TF: variants seen among roughly 807,000 people sequenced by gnomAD.
TF encodes the protein serotransferrin.
A neutral mutation model predicts 82.4 loss-of-function variants in TF; 55 were observed. The observed-to-expected ratio is 0.67, with a 90% CI of 0.54 to 0.84. TF has a LOEUF of 0.84. TF is among the 40% of genes least tolerant of loss of function. The probability of loss-of-function intolerance (pLI) is 0.00; values close to 1 mark genes in which losing one functional copy is unlikely to be tolerated. For missense variants in TF, 737 were observed against 868.4 expected (o/e 0.85, Z 1.90); for synonymous variants, 332 against 332.6 (o/e 1.00, Z 0.02).
the TF span, among the ~76,000 whole-genome samples, chr3:133,672,273 C>T: frequency 6.6e-6 from 1 of 152,076 alleles, no homozygotes; most frequent in Non-Finnish European, 1.5e-5. Context: ...ACTGGTGAGG[C>T]CTTCCGAACA....
the TF span, among the ~76,000 whole-genome samples, chr3:133,689,165 AT>A: frequency 6.1e-4 from 92 of 152,054 alleles, 2 homozygotes; most frequent in East Asian, 0.018. Flanking sequence ...ATCTCTAGCC[AT>A]TTAGAAAAAT....
At chr3:133,762,474 C>T (rs2107922333) in intron 9 of TF, 3 of 152,194 alleles carry the variant, frequency 2.0e-5, no homozygotes, top group Middle Eastern at 6.8e-3. Context: ...ATTAACATAA[C>T]TTTTATTATA....
chr3:133,777,595 A>T lies in TF; in HGVS notation c.2062+357A>T, dbSNP rs8177337. On this transcript the variant is annotated intron_variant, in intron 16 of 16. Transcript: ENST00000402696. ...GCCACCAGCAAGATGTGACTATTTA[A>T]ATTTAAGTTAATTAAAATTAAACTA... The T allele has an allele frequency of 3.5e-3, 681 of 193,740 alleles. 1 individual carries two copies. The highest frequency in any genetic ancestry group is 0.011 in the Middle Eastern group (5 of 460). The allele number at this position is 193,740 out of a possible 1,614,324, so 12.0% of individuals were successfully genotyped here. A position where few individuals can be genotyped will look rare whatever the true frequency, so the allele number is the denominator to read the frequency against.
the TF span, among the ~76,000 whole-genome samples, chr3:133,725,291 T>A: frequency 1.2e-4 from 19 of 152,254 alleles, no homozygotes; most frequent in African/African-American, 3.4e-4. Context: ...ACCATGAGCA[T>A]GGAAGGTTCT....
the TF span, among the ~76,000 whole-genome samples, chr3:133,726,594 C>G: frequency 9.2e-5 from 14 of 151,472 alleles, no homozygotes; most frequent in Non-Finnish European, 1.9e-4. Flanking sequence ...TTTGTTGATC[C>G]TTTCAAAAAA....
chr3:133,740,503 G>A, the TF span, among the ~76,000 whole-genome samples: 19 of 152,170 alleles, frequency 1.2e-4, no homozygotes, highest in East Asian at 2.1e-3. Flanking sequence ...GCTAATTTTT[G>A]TATTTTTAGT....
intron 16 of TF, 144 bp from the exon 17 acceptor site, chr3:133,778,442 C>A (rs1231163258): frequency 2.6e-6 from 2 of 778,960 alleles, no homozygotes; most frequent in Admixed American, 2.1e-5. Flanking sequence ...TAGAAAAGAG[C>A]ACTGGGAGAA....
chr3:133,695,357 C>T, the TF span, among the ~76,000 whole-genome samples: 4 of 150,586 alleles, frequency 2.7e-5, no homozygotes, highest in Non-Finnish European at 5.9e-5. Context: ...AAGCGATTCT[C>T]CTGCCTTAGC....
the TF span, among the ~76,000 whole-genome samples, chr3:133,678,672 T>C: frequency 6.6e-6 from 1 of 152,254 alleles, no homozygotes; most frequent in Admixed American, 6.5e-5. Context: ...TTAAGAAGTG[T>C]CTGTTCATAT....
In TF at chr3:133,782,796, A is replaced by G. The variant is rs1236470242; in HGVS notation, c.*4176A>G. The G allele has an allele frequency of 3.4e-4, 51 of 149,658 alleles. 1 individual carries two copies. Among genetic ancestry groups the G allele is most frequent in the African/African-American group, 1.2e-3 (49 of 40,864 alleles). 9.3% of individuals were successfully genotyped at this position (149,658 alleles called of 1,614,324 possible). A position where few individuals can be genotyped will look rare whatever the true frequency, so the allele number is the denominator to read the frequency against. On this transcript the variant is annotated 3_prime_UTR_variant, in exon 17 of 17. Transcript: ENST00000402696. Reference sequence around the variant, plus strand: ...CATGACAAAACCCCATCTCTGCAAAAAAAAAAAAAAAAACAAAAAAAACCC... The same window carrying G: ...CATGACAAAACCCCATCTCTGCAAAGAAAAAAAAAAAAACAAAAAAAACCC...
At chr3:133,741,060 C>G (rs1190112371), upstream of TF, among the ~76,000 whole-genome samples, 1 of 143,410 alleles carries the variant, frequency 7.0e-6, no homozygotes, top group Non-Finnish European at 1.5e-5. Flanking sequence ...GGCACAATCT[C>G]AGGTCACTGC....
chr3:133,697,143 C>T, the TF span, among the ~76,000 whole-genome samples: 1 of 152,198 alleles, frequency 6.6e-6, no homozygotes, highest in Non-Finnish European at 1.5e-5. Context: ...CTCATTATTA[C>T]ACATTGACTA....
At chr3:133,764,315 A>C (rs1438879548) in intron 10 of TF, 40 bp downstream of exon 10, 1 of 1,500,806 alleles carries the variant, frequency 6.7e-7, no homozygotes, top group East Asian at 2.3e-5. Context: ...TTCTTCCCTC[A>C]GGGCCATGGA....
intron 14 of TF, among the ~76,000 whole-genome samples, chr3:133,772,016 C>T (rs766989455): frequency 2.0e-5 from 3 of 152,088 alleles, no homozygotes; most frequent in Non-Finnish European, 4.4e-5. Context: ...AGCACCAGCC[C>T]CTCCAGGAAG....
the TF span, among the ~76,000 whole-genome samples, chr3:133,738,909 A>G: frequency 6.6e-6 from 1 of 152,358 alleles, no homozygotes; most frequent in African/African-American, 2.4e-5. Flanking sequence ...TACAGATTCA[A>G]TGCTATCCCC....
the TF span, among the ~76,000 whole-genome samples, chr3:133,710,991 T>A: frequency 6.6e-6 from 1 of 152,224 alleles, no homozygotes; most frequent in Non-Finnish European, 1.5e-5. Context: ...TGGAACGATG[T>A]GCTTCTGTTG....
intron 1 of TF, 69 bp downstream of exon 1, chr3:133,746,552 C>A: frequency 6.6e-7 from 1 of 1,521,534 alleles, no homozygotes; most frequent in African/African-American, 1.4e-5. Flanking sequence ...CGGGCGGCCA[C>A]CGCGCAGCCT....
the TF span, among the ~76,000 whole-genome samples, chr3:133,667,668 C>T: frequency 1.3e-5 from 2 of 152,292 alleles, no homozygotes; most frequent in East Asian, 3.9e-4. Context: ...ATGACTTCCT[C>T]TATTGATAAG....
the TF span, among the ~76,000 whole-genome samples, chr3:133,706,436 A>G: frequency 6.6e-6 from 1 of 151,882 alleles, no homozygotes; most frequent in South Asian, 2.1e-4. Context: ...TCTAGTACCT[A>G]CTCCTGGAAA....
Sources: allele counts gnomAD v4.1 joint callset (sites outside exome capture counted in the v4.1 genomes callset), GRCh38; gene constraint gnomAD v4.1.1; transcripts MANE v1.5; gene names NCBI Gene and HGNC (gene_info 2026-07-23, HGNC 2026-07-21).